Variants in CPLX2 observed in about 807,000 individuals in gnomAD.
CPLX2 encodes complexin 2.
Under a neutral mutation model 16.3 loss-of-function variants are expected in CPLX2, and 5 were observed. The observed-to-expected ratio is 0.31, with a 90% CI of 0.16 to 0.64. CPLX2 has a LOEUF of 0.64. CPLX2 is among the 30% of genes least tolerant of loss of function. The pLI is 0.79. For missense variants in CPLX2, 144 were observed against 181.4 expected (o/e 0.79, Z 1.18); for synonymous variants, 89 against 73.2 (o/e 1.22, Z -1.10).
intron 2 of CPLX2, among the ~76,000 whole-genome samples, chr5:175,852,765 G>A (rs1013073022): frequency 4.6e-5 from 7 of 152,190 alleles, no homozygotes; most frequent in Admixed American, 1.3e-4. Flanking sequence ...CAGCTAGGTG[G>A]GATGGGAAGT....
chr5:175,840,248 T>C (rs1279290803), intron 2 of CPLX2, among the ~76,000 whole-genome samples: 3 of 152,148 alleles, frequency 2.0e-5, no homozygotes, highest in African/African-American at 7.2e-5. Flanking sequence ...ATCACTAAAA[T>C]GCCAACCTCA....
intron 2 of CPLX2, among the ~76,000 whole-genome samples, chr5:175,862,833 G>A (rs373982639): frequency 6.6e-6 from 1 of 152,208 alleles, no homozygotes; most frequent in Non-Finnish European, 1.5e-5. Context: ...GATCAGTCCA[G>A]CCCAGTTCAT....
At chr5:175,806,311 C>T (rs1758200012) in intron 1 of CPLX2, among the ~76,000 whole-genome samples, 1 of 152,066 alleles carries the variant, frequency 6.6e-6, no homozygotes, top group Non-Finnish European at 1.5e-5. Context: ...GAAAGCCCTT[C>T]CTGCCTCACT....
At chr5:175,844,702 C>A (rs1759009748) in intron 2 of CPLX2, among the ~76,000 whole-genome samples, 1 of 152,254 alleles carries the variant, frequency 6.6e-6, no homozygotes, top group Admixed American at 6.5e-5. Context: ...GCGGAGCTTG[C>A]TGCAACTCCA....
intron 2 of CPLX2, among the ~76,000 whole-genome samples, chr5:175,833,167 GAGAAA>G (rs904214802): frequency 3.0e-5 from 4 of 135,184 alleles, no homozygotes; most frequent in African/African-American, 1.1e-4. Context: ...AAAAAAAAAA[GAGAAA>G]AGAAAAGAAA....
In CPLX2 at chr5:175,880,593, C is replaced by T. The variant is rs545664682; in HGVS notation, c.*548C>T. ...TGGGTGGGAGGCTGGGGCTCTTCTT[C>T]TTCCATCTCCTTGGTGACACCCAGC... On this transcript the variant is annotated 3_prime_UTR_variant, in exon 4 of 4. Transcript: ENST00000393745. The T allele has an allele frequency of 8.9e-5, 15 of 168,248 alleles. No homozygotes were observed. Among genetic ancestry groups the T allele is most frequent in the Non-Finnish European group, 1.7e-4 (13 of 78,114 alleles). 10.4% of individuals were successfully genotyped at this position (168,248 alleles called of 1,614,324 possible).
chr5:175,803,464 A>G (rs560178903), intron 1 of CPLX2, among the ~76,000 whole-genome samples: 1 of 152,336 alleles, frequency 6.6e-6, no homozygotes, highest in South Asian at 2.1e-4. Context: ...GCTTCAAGGA[A>G]GAGGCATTGG....
At chr5:175,857,105 G>T (rs921192897) in intron 2 of CPLX2, among the ~76,000 whole-genome samples, 3 of 152,144 alleles carry the variant, frequency 2.0e-5, no homozygotes, top group African/African-American at 7.2e-5. Context: ...TCTCACTAGG[G>T]CTGATGAGGT....
intron 1 of CPLX2, among the ~76,000 whole-genome samples, chr5:175,808,305 C>T (rs758717655): frequency 6.6e-6 from 1 of 152,130 alleles, no homozygotes; most frequent in Non-Finnish European, 1.5e-5. Flanking sequence ...AAACTTGTCA[C>T]GATGCTCAGT....
intron 2 of CPLX2, among the ~76,000 whole-genome samples, chr5:175,827,524 G>A (rs955370756): frequency 6.6e-6 from 1 of 152,202 alleles, no homozygotes; most frequent in African/African-American, 2.4e-5. Context: ...GGAGGCCGGG[G>A]TGGTTGGATC....
chr5:175,839,159 G>A (rs1215758719), intron 2 of CPLX2, among the ~76,000 whole-genome samples: 1 of 152,172 alleles, frequency 6.6e-6, no homozygotes, highest in African/African-American at 2.4e-5. Context: ...TAGCTCTTGA[G>A]TAGCTGGGAT....
At chr5:175,812,332 AGGG>A (rs1267145381) in intron 2 of CPLX2, among the ~76,000 whole-genome samples, 4 of 152,210 alleles carry the variant, frequency 2.6e-5, no homozygotes, top group Non-Finnish European at 5.9e-5. Flanking sequence ...TCAGGTGAGC[AGGG>A]GCTGCTCACA....
At chr5:175,821,399 T>G (rs1317201886) in intron 2 of CPLX2, among the ~76,000 whole-genome samples, 1 of 152,158 alleles carries the variant, frequency 6.6e-6, no homozygotes, top group Non-Finnish European at 1.5e-5. Context: ...TTTCTTTTCC[T>G]TCTTTTCCTT....
At chr5:175,797,332 T>C (rs2113616683) in intron 1 of CPLX2, among the ~76,000 whole-genome samples, 1 of 152,120 alleles carries the variant, frequency 6.6e-6, no homozygotes, top group Admixed American at 6.5e-5. Flanking sequence ...GTCTCCGGCT[T>C]GGGTCCGCCG....
intron 2 of CPLX2, among the ~76,000 whole-genome samples, chr5:175,828,245 G>A (rs891311407): frequency 1.3e-5 from 2 of 152,174 alleles, no homozygotes; most frequent in African/African-American, 4.8e-5. Flanking sequence ...TCTGGGTCCT[G>A]AGAAAGTGTG....
chr5:175,811,223 A>G (rs373849493), intron 2 of CPLX2, among the ~76,000 whole-genome samples: 3 of 152,256 alleles, frequency 2.0e-5, no homozygotes, highest in African/African-American at 7.2e-5. Context: ...CTGACTCTGC[A>G]TTCTGAGTTA....
Position 175,830,210 on chromosome 5 carries a change from C to G in CPLX2, c.-89+21142C>G, listed in dbSNP as rs883019. Among the ~76,000 whole-genome samples, 19,006 of 152,260 alleles carry G rather than the reference C, an allele frequency of 0.12. 1,522 individuals are homozygous for G. Among genetic ancestry groups the G allele is most frequent in the East Asian group, 0.29 (1,507 of 5,180 alleles). ...GGAGGGCACTGCCGCCACAGAGCTG[C>G]CCTGGTTCCCTGCCCCCGGGGGAGC... On this transcript the variant is annotated intron_variant, in intron 2 of 4. Transcript: ENST00000359546. The surrounding 1 kb of genome is among the most constrained non-coding windows in gnomAD (Gnocchi z 4.0).
chr5:175,824,145 T>A (rs949453556), intron 2 of CPLX2, among the ~76,000 whole-genome samples: 15 of 152,292 alleles, frequency 9.8e-5, no homozygotes, highest in African/African-American at 3.4e-4. Flanking sequence ...AGGACGCCTT[T>A]TTTTCTTTCC....
chr5:175,829,826 G>A (rs1175666239), intron 2 of CPLX2, among the ~76,000 whole-genome samples: 1 of 152,198 alleles, frequency 6.6e-6, no homozygotes, highest in Non-Finnish European at 1.5e-5. Flanking sequence ...TTACTACTCA[G>A]GCAGTGCCTG....
Sources: gnomAD v4.1 joint callset for allele counts (sites outside exome capture counted in the v4.1 genomes callset) on GRCh38, gnomAD v4.1.1 for gene constraint, Gnocchi (gnomAD v3.1) non-coding constraint, MANE v1.5 for transcripts, NCBI Gene and HGNC (gene_info 2026-07-23, HGNC 2026-07-21) for gene names.